Variants in AGTPBP1 observed in about 807,000 individuals in gnomAD.
AGTPBP1 encodes ATP/GTP binding carboxypeptidase 1.
Under a neutral mutation model 143.9 loss-of-function variants are expected in AGTPBP1, and 70 were observed. That is an observed-to-expected ratio of 0.49 (90% CI 0.40 to 0.59). The LOEUF (loss-of-function observed/expected upper bound fraction) is 0.59, where lower values mean the gene tolerates loss of function less well. Among genes scored for constraint, AGTPBP1 ranks in the 20% least tolerant of loss-of-function variants. The probability of loss-of-function intolerance (pLI) is 0.00; values close to 1 mark genes in which losing one functional copy is unlikely to be tolerated. For synonymous variants in AGTPBP1, 463 were observed against 500.2 expected (o/e 0.93, Z 0.99); for missense variants, 1,229 against 1,464.5 (o/e 0.84, Z 2.62).
intron 11 of AGTPBP1, among the ~76,000 whole-genome samples, chr9:85,650,499 G>T (rs1833095636): frequency 6.6e-6 from 1 of 152,092 alleles, no homozygotes; most frequent in African/African-American, 2.4e-5. Context: ...TTGTTGTACA[G>T]AATACACGTA....
At chr9:85,770,364 G>T in the AGTPBP1 span, 6 of 1,606,196 alleles carry the variant, frequency 3.7e-6, no homozygotes, top group Non-Finnish European at 4.3e-6. Context: ...AAAGTATCCA[G>T]AATTGCCAGA....
the AGTPBP1 span, chr9:85,781,199 T>TA: frequency 6.7e-7 from 1 of 1,485,926 alleles, no homozygotes; most frequent in African/African-American, 1.4e-5. Flanking sequence ...TTTTGTTGTA[T>TA]AGAACAAGAT....
At chr9:85,644,174 T>A (rs1423231046) in intron 12 of AGTPBP1, among the ~76,000 whole-genome samples, 1 of 151,884 alleles carries the variant, frequency 6.6e-6, no homozygotes, top group Non-Finnish European at 1.5e-5. Context: ...ATAATAGAGA[T>A]TGATTTTATT....
the AGTPBP1 span, among the ~76,000 whole-genome samples, chr9:85,760,218 G>T: frequency 3.9e-5 from 6 of 152,084 alleles, no homozygotes; most frequent in African/African-American, 1.4e-4. Flanking sequence ...CATTCCTTCT[G>T]AAACTATTCC....
the AGTPBP1 span, among the ~76,000 whole-genome samples, chr9:85,802,264 C>T: frequency 6.6e-6 from 1 of 152,100 alleles, no homozygotes; most frequent in South Asian, 2.1e-4. Flanking sequence ...TTCTTCACTC[C>T]TCTCATAGCT....
In AGTPBP1 at chr9:85,643,946, A is replaced by C. The variant is rs374982605; in HGVS notation, c.1186-1003T>G. Among the ~76,000 whole-genome samples the C allele has an allele frequency of 1.5e-4, 23 of 152,272 alleles. 1 individual carries two copies. The highest frequency in any genetic ancestry group is 5.5e-4 in the African/African-American group (23 of 41,574). ...ATTTTTAATTTTGTATTTACTTACT[A>C]CCAGAGTAAGCTACTTATTTTTCAG... is the stretch of plus-strand genomic sequence containing the variant. On this transcript the variant is annotated intron_variant, in intron 12 of 25. Transcript: ENST00000357081.
chr9:85,646,588 G>T (rs1329029541), intron 11 of AGTPBP1, among the ~76,000 whole-genome samples, 170 bp from the exon 12 acceptor site: 1 of 152,086 alleles, frequency 6.6e-6, no homozygotes, highest in African/African-American at 2.4e-5. Flanking sequence ...CAAACCCATG[G>T]GACCATATAA....
intron 3 of AGTPBP1, among the ~76,000 whole-genome samples, chr9:85,684,988 AAC>A (rs1474001526): frequency 6.6e-6 from 1 of 152,084 alleles, no homozygotes; most frequent in African/African-American, 2.4e-5. Context: ...TAAAAAAAAA[AAC>A]ATCTGAAATA....
At chr9:85,658,949 A>G (rs1411535763) in intron 9 of AGTPBP1, among the ~76,000 whole-genome samples, 2 of 152,200 alleles carry the variant, frequency 1.3e-5, no homozygotes, top group Non-Finnish European at 2.9e-5. Context: ...CTTTGTTTAT[A>G]CCAGTTGGAA....
intron 13 of AGTPBP1, 92 bp downstream of exon 13, chr9:85,642,735 A>G: frequency 6.9e-6 from 7 of 1,013,306 alleles, no homozygotes; most frequent in Non-Finnish European, 1.0e-5. Context: ...TTAGAAATGG[A>G]AAGAAAATAA....
intron 1 of AGTPBP1, among the ~76,000 whole-genome samples, chr9:85,713,704 G>T (rs1388520581): frequency 6.6e-6 from 1 of 152,110 alleles, no homozygotes; most frequent in African/African-American, 2.4e-5. Flanking sequence ...CTGGATGTTT[G>T]TCTTCAATAA....
intron 25 of AGTPBP1, among the ~76,000 whole-genome samples, chr9:85,560,460 A>AAGTAGC (rs1826635510): frequency 6.6e-6 from 1 of 152,242 alleles, no homozygotes; most frequent in Admixed American, 6.5e-5. Flanking sequence ...CAAAAGGCAG[A>AAGTAGC]AGTAGCAGAA....
Position 85,642,926 on chromosome 9 carries a change from T to C in AGTPBP1, c.1203A>G (p.Thr401=). ...DQNFKNDDIE[T]DINKLKPQQE... ...GCTGGGGTTTTAGTTTGTTAATATCTGTTTCAATATCATCATTCTGAAATG... is the reference window on the plus strand; with the variant it reads ...GCTGGGGTTTTAGTTTGTTAATATCCGTTTCAATATCATCATTCTGAAATG... The change falls in exon 13 of 26, where the codon ACA becomes ACG. Residue 401 remains threonine (T), a synonymous_variant. Transcript: ENST00000357081. 2 of 1,611,838 alleles carry C rather than the reference T, an allele frequency of 1.2e-6. No homozygotes were observed. Among genetic ancestry groups the C allele is most frequent in the Non-Finnish European group, 1.7e-6 (2 of 1,178,648 alleles).
upstream of AGTPBP1, among the ~76,000 whole-genome samples, chr9:85,744,343 G>A (rs1824558576): frequency 6.6e-6 from 1 of 152,148 alleles, no homozygotes; most frequent in South Asian, 2.1e-4. Context: ...CATCATCTAT[G>A]GAGTGTATTC....
intron 9 of AGTPBP1, among the ~76,000 whole-genome samples, chr9:85,659,541 G>T (rs1833728030): frequency 6.6e-6 from 1 of 151,902 alleles, no homozygotes; most frequent in South Asian, 2.1e-4. Flanking sequence ...ATGTATGTTT[G>T]CCCACCACCC....
At chr9:85,633,435 CTA>C (rs1831822857) in intron 13 of AGTPBP1, 61 bp from the exon 14 acceptor site, 1 of 1,256,898 alleles carries the variant, frequency 8.0e-7, no homozygotes. Flanking sequence ...ATTAACAAAA[CTA>C]ATACATTCAT....
At chr9:85,743,922 C>A (rs1483441953), upstream of AGTPBP1, among the ~76,000 whole-genome samples, 1 of 112,958 alleles carries the variant, frequency 8.9e-6, no homozygotes, top group Admixed American at 9.1e-5. Context: ...TTTTCTTTTT[C>A]TTTCTTTTTT....
chr9:85,621,484 A>T (rs1379856205), intron 14 of AGTPBP1, among the ~76,000 whole-genome samples, 199 bp from the exon 15 acceptor site: 1 of 152,060 alleles, frequency 6.6e-6, no homozygotes, highest in Non-Finnish European at 1.5e-5. Flanking sequence ...TTTGAGTTCT[A>T]GAAAATATCC....
At chr9:85,668,338 T>G (rs767587382) in intron 8 of AGTPBP1, among the ~76,000 whole-genome samples, 1 of 151,898 alleles carries the variant, frequency 6.6e-6, no homozygotes, top group East Asian at 1.9e-4. Context: ...AGATTTTAGA[T>G]TGTATTAAGT....
Sources: gnomAD v4.1 joint callset for allele counts (sites outside exome capture counted in the v4.1 genomes callset) on GRCh38, gnomAD v4.1.1 for gene constraint, MANE v1.5 for transcripts, NCBI Gene and HGNC (gene_info 2026-07-23, HGNC 2026-07-21) for gene names.